CHPF: variants seen among roughly 807,000 people sequenced by gnomAD.
The protein encoded by CHPF is chondroitin polymerizing factor.
Under a neutral mutation model 55.1 loss-of-function variants are expected in CHPF, and 34 were observed. That is an observed-to-expected ratio of 0.62 (90% CI 0.47 to 0.82). The LOEUF (loss-of-function observed/expected upper bound fraction) is 0.82, where lower values mean the gene tolerates loss of function less well. Ranked by LOEUF, CHPF falls within the 40% of genes least tolerant of loss-of-function variation. The probability of loss-of-function intolerance (pLI) is 0.00; values close to 1 mark genes in which losing one functional copy is unlikely to be tolerated. For missense variants in CHPF, 961 were observed against 1,106.1 expected (o/e 0.87, Z 1.86); for synonymous variants, 489 against 496.6 (o/e 0.98, Z 0.20).
rs775950895 is a variant in CHPF at position 219,540,263 on chromosome 2, C to T, written c.1448G>A (p.Arg483His). The T allele has an allele frequency of 2.9e-5, 46 of 1,613,662 alleles. 1 individual carries two copies. Among genetic ancestry groups the T allele is most frequent in the Admixed American group, 1.0e-4 (6 of 59,988 alleles). The change falls in exon 4 of 4, where the codon CGC becomes CAC. Residue 483 changes from arginine to histidine, a missense_variant. Transcript: ENST00000243776. ...TPQGGRRPLT[R>H]RVQLLRPLSR... is the part of the protein sequence containing the mutation. ...CAGCGGCCGGAGCAGCTGCACTCGGCGAGTGAGGGGCCGGCGGCCTCCCTG... is the reference window on the plus strand; with the variant it reads ...CAGCGGCCGGAGCAGCTGCACTCGGTGAGTGAGGGGCCGGCGGCCTCCCTG...
In CHPF at chr2:219,540,382, G is replaced by C; in HGVS notation, c.1329C>G (p.Leu443=). ...AGCCATTCACCAGCTGCTGCTTCTG[G>C]AGCCGCAAGGCCGGGTGGTAGCGGC... ...LNRRYHPALR[L]QKQQLVNGYR... is the part of the protein sequence containing the mutation. The change falls in exon 4 of 4, where the codon CTC becomes CTG. Residue 443 remains leucine (L), a synonymous_variant. Transcript: ENST00000243776. 1 of 1,614,016 alleles carries C rather than the reference G, an allele frequency of 6.2e-7. No homozygotes were observed. The highest frequency in any genetic ancestry group is 8.5e-7 in the Non-Finnish European group (1 of 1,179,998).
chr2:219,541,454 C>T lies in CHPF; in HGVS notation c.888+162G>A. On this transcript the variant is annotated intron_variant, in intron 2 of 3. Transcript: ENST00000243776. ...ATTTCCATTGGCACAAAGGAAGATA[C>T]TGAAGCCCAGGATATTTAGTAATTT... 9 of 625,612 alleles carry T rather than the reference C, an allele frequency of 1.4e-5. No homozygotes were observed. The South Asian group carries it at 2.2e-4, about 15-fold the overall frequency. The allele number at this position is 625,612 out of a possible 1,614,324, so 38.8% of individuals were successfully genotyped here. A position where few individuals can be genotyped will look rare whatever the true frequency, so the allele number is the denominator to read the frequency against.
chr2:219,543,502 CG>C lies in CHPF; in HGVS notation c.36del (p.Ala13GlnfsTer14). On this transcript the variant is annotated frameshift_variant, in exon 1 of 4. Coordinates refer to ENST00000243776, the MANE Select transcript of CHPF (RefSeq NM_024536.6). LOFTEE classifies it high-confidence loss of function. ...RASLLLSVLRPAGPVAVGISL... is the reference protein window; with the variant it reads ...RASLLLSVLRXAGPVAVGISL... ...GAGATGCCCACGGCCACGGGCCCTGCGGGCCGCAGCACCGACAGCAGCAGCG... is the reference window on the plus strand; with the variant it reads ...GAGATGCCCACGGCCACGGGCCCTGCGGCCGCAGCACCGACAGCAGCAGCG... 7.3e-7 allele frequency: 1 copy of C among 1,371,100 alleles called. No individual in the cohort carries two copies. Among genetic ancestry groups the C allele is most frequent in the Non-Finnish European group, 9.4e-7 (1 of 1,068,026 alleles). 84.9% of individuals were successfully genotyped at this position (1,371,100 alleles called of 1,614,324 possible). A position where few individuals can be genotyped will look rare whatever the true frequency, so the allele number is the denominator to read the frequency against.
chr2:219,539,076 G>A lies in CHPF; in HGVS notation c.*307C>T, dbSNP rs1161663715. 2.9e-6 allele frequency: 1 copy of A among 341,440 alleles called. No individual in the cohort carries two copies. The highest frequency in any genetic ancestry group is 2.1e-5 in the African/African-American group (1 of 47,758). The allele number at this position is 341,440 out of a possible 1,614,324, so 21.2% of individuals were successfully genotyped here. A position where few individuals can be genotyped will look rare whatever the true frequency, so the allele number is the denominator to read the frequency against. The stretch of plus-strand genomic sequence containing the variant: ...CAACTCTTCTACAGCCCAGCCCCCA[G>A]GGCCCAGAGGCAGGGCTGGCGTCAG... On this transcript the variant is annotated 3_prime_UTR_variant, in exon 4 of 4. Coordinates refer to ENST00000243776, the MANE Select transcript of CHPF (RefSeq NM_024536.6).
intron 1 of CHPF, 65 bp downstream of exon 1, chr2:219,543,160 G>T: frequency 7.3e-7 from 1 of 1,373,100 alleles, no homozygotes; most frequent in Non-Finnish European, 9.4e-7. Flanking sequence ...CCCGGGCCCG[G>T]GCGACCTCCC....
chr2:219,540,927 C>G lies in CHPF; in HGVS notation c.1068+19G>C, dbSNP rs745607489. ...GATCCTGTCCCCGTCACTCTGCCAC[C>G]CCCAGACCTAGACCATACCTGTAAC... is the stretch of plus-strand genomic sequence containing the variant. On this transcript the variant is annotated intron_variant, in intron 3 of 3. Coordinates refer to ENST00000243776, the MANE Select transcript of CHPF (RefSeq NM_024536.6). 1 of 1,608,822 alleles carries G rather than the reference C, an allele frequency of 6.2e-7. No individual in the cohort carries two copies. The highest frequency in any genetic ancestry group is 8.5e-7 in the Non-Finnish European group (1 of 1,178,428).
rs745488496 is a variant in CHPF at position 219,543,247 on chromosome 2, G to C, written c.292C>G (p.Gln98Glu). ...TACCTGACGGCCTTTTTGGCGGCCTGGCCGGGCTGTGCAGGGTGGTAGGGC... is the reference window on the plus strand; with the variant it reads ...TACCTGACGGCCTTTTTGGCGGCCTCGCCGGGCTGTGCAGGGTGGTAGGGC... ...VLPYHPAQPG[Q>E]AAKKAVRTRY... Residue 98 changes from glutamine (Q) to glutamate (E), a missense_variant, in exon 1 of 4, where the codon CAG (glutamine) becomes GAG (glutamate). Coordinates refer to ENST00000243776, the MANE Select transcript of CHPF (RefSeq NM_024536.6). 4 of 1,559,922 alleles carry C rather than the reference G, an allele frequency of 2.6e-6. No individual in the cohort carries two copies. The highest frequency in any genetic ancestry group is 3.4e-6 in the Non-Finnish European group (4 of 1,163,114).
In CHPF at chr2:219,540,404, C is replaced by T. The variant is rs144193296; in HGVS notation, c.1307G>A (p.Arg436His). The T allele has an allele frequency of 6.8e-5, 110 of 1,613,366 alleles. No individual in the cohort carries two copies. In the African/African-American group the frequency reaches 1.3e-3, roughly 19 times the overall value. Residue 436 changes from arginine to histidine, a missense_variant, in exon 4 of 4, where the codon CGC becomes CAC. This residue lies in a region of CHPF where 936 missense variants were observed against 1,058.4 expected (regional missense o/e 0.88). Transcript: ENST00000243776. Reference protein sequence around the residue: ...LGTALEELNRRYHPALRLQKQ... With the variant: ...LGTALEELNRHYHPALRLQKQ... ...CTGGAGCCGCAAGGCCGGGTGGTAG[C>T]GGCGGTTCAGCTCCTCTAGAGCTGT...
Position 219,543,313 on chromosome 2 carries a change from C to G in CHPF, c.226G>C (p.Ala76Pro). Residue 76 changes from alanine to proline, a missense_variant, in exon 1 of 4, where the codon GCC becomes CCC. This residue lies in a region of CHPF where 936 missense variants were observed against 1,058.4 expected (regional missense o/e 0.88). Transcript: ENST00000243776. Reference sequence around the variant, plus strand: ...CAATTCTCCCCGGCGCCTTCGCCGGCCCCGGGCTTCTCGCGCTCCGCTCCG... The same window carrying G: ...CAATTCTCCCCGGCGCCTTCGCCGGGCCCGGGCTTCTCGCGCTCCGCTCCG... ...QPGAEREKPG[A>P]GEGAGENWEP... The G allele has an allele frequency of 6.4e-7, 1 of 1,572,494 alleles. No homozygotes were observed. Among genetic ancestry groups the G allele is most frequent in the Non-Finnish European group, 8.6e-7 (1 of 1,169,060 alleles).
At chr2:219,542,907 A>G (rs566164716) in intron 1 of CHPF, 2 of 1,162,146 alleles carry the variant, frequency 1.7e-6, no homozygotes, top group East Asian at 8.5e-5. Flanking sequence ...GTCTCTATAC[A>G]CTCACCCTAT....
At position 219,539,324 on chromosome 2, in the gene CHPF, T is replaced by G; in HGVS notation, c.*59A>C. On this transcript the variant is annotated 3_prime_UTR_variant, in exon 4 of 4. Transcript: ENST00000243776. ...AGCGAGGCTGGCAGGTGGCTCTGGT[T>G]TTGGGGGAGAAGTGGGGTGGGGTGT... 1.1e-5 allele frequency: 16 copies of G among 1,478,006 alleles called. No homozygotes were observed. The highest frequency in any genetic ancestry group is 1.4e-5 in the African/African-American group (1 of 71,940). The allele number at this position is 1,478,006 out of a possible 1,614,324, so 91.6% of individuals were successfully genotyped here.
rs1201454768 is a variant in CHPF at position 219,540,553 on chromosome 2, G to A, written c.1158C>T (p.Ala386=). 1 of 1,613,928 alleles carries A rather than the reference G, an allele frequency of 6.2e-7. No individual in the cohort carries two copies. Among genetic ancestry groups the A allele is most frequent in the Non-Finnish European group, 8.5e-7 (1 of 1,179,990 alleles). The part of the protein sequence containing the change: ...PVGIPAPSRP[A]SRFEVLRWDY... ...CCCAGCGCAGCACCTCAAAGCGGGA[G>A]GCCGGGCGGGATGGTGCTGGAATAC... The change falls in exon 4 of 4, where the codon GCC becomes GCT. Residue 386 remains alanine (A), a synonymous_variant. Coordinates refer to ENST00000243776, the MANE Select transcript of CHPF (RefSeq NM_024536.6).
chr2:219,540,989 C>T lies in CHPF; in HGVS notation c.1025G>A (p.Arg342Gln), dbSNP rs150132623. 17 of 1,613,938 alleles carry T rather than the reference C, an allele frequency of 1.1e-5. No individual in the cohort carries two copies. Among genetic ancestry groups the T allele is most frequent in the South Asian group, 2.2e-5 (2 of 91,060 alleles). ...CTGGTACGTGCGTTCCAGTTCAGCTCGGGCGAAAGCTTTGTGCAGCTGGTA... is the reference window on the plus strand; with the variant it reads ...CTGGTACGTGCGTTCCAGTTCAGCTTGGGCGAAAGCTTTGTGCAGCTGGTA... The part of the protein sequence containing the change: ...HMYQLHKAFA[R>Q]AELERTYQEI... The change falls in exon 3 of 4, where the codon CGA (arginine) becomes CAA (glutamine). Residue 342 changes from arginine to glutamine, a missense_variant. By Grantham distance (43) the Arg-to-Gln change is conservative. Around this residue, in one of 3 missense-constraint regions of CHPF, gnomAD observed 936 missense variants for 1,058.4 expected, o/e 0.88. Transcript: ENST00000243776.
Position 219,539,271 on chromosome 2 carries a change from TG to T in CHPF, c.*111del. The T allele has an allele frequency of 9.3e-7, 1 of 1,073,188 alleles. No individual in the cohort carries two copies. Among genetic ancestry groups the T allele is most frequent in the Non-Finnish European group, 1.3e-6 (1 of 760,490 alleles). 66.5% of individuals were successfully genotyped at this position (1,073,188 alleles called of 1,614,324 possible). A position where few individuals can be genotyped will look rare whatever the true frequency, so the allele number is the denominator to read the frequency against. On this transcript the variant is annotated 3_prime_UTR_variant, in exon 4 of 4. Coordinates refer to ENST00000243776, the MANE Select transcript of CHPF (RefSeq NM_024536.6). ...CAGAGAGGGGACCAGTGGGCCAGCTTGGGGTCTGGCTACGGCCAGCCCTGCC... is the reference window on the plus strand; with the variant it reads ...CAGAGAGGGGACCAGTGGGCCAGCTTGGGTCTGGCTACGGCCAGCCCTGCC...
Position 219,542,199 on chromosome 2 carries a change from G to A in CHPF, c.315-10C>T, listed in dbSNP as rs746936842. The A allele has an allele frequency of 4.8e-6, 4 of 836,718 alleles. No homozygotes were observed. Among genetic ancestry groups the A allele is most frequent in the Non-Finnish European group, 6.2e-6 (4 of 647,248 alleles). 51.8% of individuals were successfully genotyped at this position (836,718 alleles called of 1,614,324 possible). A position where few individuals can be genotyped will look rare whatever the true frequency, so the allele number is the denominator to read the frequency against. ...GCTGATGTAGCGGGTCCTAGGGGAG[G>A]AGATGGCACAAGCTTATCAAAAGGA... On this transcript the variant is annotated splice_polypyrimidine_tract_variant and intron_variant, in intron 1 of 3. Transcript: ENST00000243776.
Position 219,539,918 on chromosome 2 carries a change from A to G in CHPF, c.1793T>C (p.Met598Thr), listed in dbSNP as rs1695227764. Residue 598 changes from methionine (M) to threonine (T), a missense_variant, in exon 4 of 4, where the codon ATG (methionine) becomes ACG (threonine). Met to Thr is a moderately conservative substitution (Grantham distance 81). Around this residue, in one of 3 missense-constraint regions of CHPF, gnomAD observed 936 missense variants for 1,058.4 expected, o/e 0.88. Coordinates refer to ENST00000243776, the MANE Select transcript of CHPF (RefSeq NM_024536.6). The stretch of plus-strand genomic sequence containing the variant: ...CGGGTGCTTCTTGGAGAGTAGATCC[A>G]TGAGGCGCAGTGGTGAGGGTGCGGC... ...QTAAPSPLRL[M>T]DLLSKKHPLD... is the part of the protein sequence containing the mutation. 6.2e-7 allele frequency: 1 copy of G among 1,613,646 alleles called. No individual in the cohort carries two copies. Among genetic ancestry groups the G allele is most frequent in the Non-Finnish European group, 8.5e-7 (1 of 1,179,956 alleles).
At chr2:219,540,880 C>T (rs1451635592) in intron 3 of CHPF, 66 bp downstream of exon 3, 3 of 1,575,676 alleles carry the variant, frequency 1.9e-6, no homozygotes, top group Non-Finnish European at 2.6e-6. Flanking sequence ...TGTCATTTCT[C>T]TGGGCTCTCT....
rs758207651 is a variant in CHPF, at chr2:219,540,219, G to C, written c.1492C>G (p.Pro498Ala). ...GAGGCCTCAGTGACATAGGGCACAG[G>C]CAAGATCTCCACGCGGCTCAGCGGC... ...LRPLSRVEIL[P>A]VPYVTEASRL... is the part of the protein sequence containing the mutation. The change falls in exon 4 of 4, where the codon CCT becomes GCT. Residue 498 changes from proline to alanine, a missense_variant. Physicochemically the swap from Pro to Ala is conservative, Grantham distance 27. Transcript: ENST00000243776. 6.2e-7 allele frequency: 1 copy of C among 1,613,366 alleles called. No homozygotes were observed. The highest frequency in any genetic ancestry group is 2.2e-5 in the East Asian group (1 of 44,840).
chr2:219,543,809 C>A lies in CHPF; in HGVS notation c.-271G>T. On this transcript the variant is annotated 5_prime_UTR_variant, in exon 1 of 4. Coordinates refer to ENST00000243776, the MANE Select transcript of CHPF (RefSeq NM_024536.6). The stretch of plus-strand genomic sequence containing the variant: ...GCCGCAGCTGTCCGACGTGTCACTG[C>A]AAGGGCCCCGCCCCCGGGGTGGGGT... 2.2e-6 allele frequency: 1 copy of A among 452,570 alleles called. No individual in the cohort carries two copies. The highest frequency in any genetic ancestry group is 3.9e-6 in the Non-Finnish European group (1 of 255,400). 28.0% of individuals were successfully genotyped at this position (452,570 alleles called of 1,614,324 possible).
Sources: allele counts gnomAD v4.1 joint callset, GRCh38; gene constraint gnomAD v4.1.1; regional missense constraint gnomAD v4.1.1; transcripts MANE v1.5; gene names NCBI Gene and HGNC (gene_info 2026-07-23, HGNC 2026-07-21).